The following NBAS variants were observed in gnomAD, a reference collection of about 807,000 sequenced individuals.
The protein encoded by NBAS is NAG/BC035112 fusion.
NBAS carries 219 observed loss-of-function variants against 302.5 expected under a neutral mutation model. The ratio of observed to expected loss-of-function variants is 0.72; its 90% confidence interval spans 0.65 to 0.81. The LOEUF (loss-of-function observed/expected upper bound fraction) is 0.81. Ranked by LOEUF, NBAS falls within the 30% of genes least tolerant of loss-of-function variation. NBAS has a pLI of 0.00. For synonymous variants in NBAS, 1,118 were observed against 1,021.6 expected (o/e 1.09, Z -1.80); for missense variants, 2,932 against 2,841.6 (o/e 1.03, Z -0.72).
intron 25 of NBAS, among the ~76,000 whole-genome samples, chr2:15,407,841 C>A (rs1475356925): frequency 6.6e-6 from 1 of 152,162 alleles, no homozygotes; most frequent in African/African-American, 2.4e-5. Flanking sequence ...CCAAAATGGA[C>A]CTGACTGAGC....
chr2:15,478,024 C>A (rs1006671440), intron 13 of NBAS, among the ~76,000 whole-genome samples: 1 of 31,228 alleles, frequency 3.2e-5, no homozygotes, highest in Non-Finnish European at 8.7e-5. Flanking sequence ...TCAATGCTGG[C>A]TCCTGGCAGG....
At chr2:14,826,851 T>C in the NBAS span, among the ~76,000 whole-genome samples, 37 of 152,320 alleles carry the variant, frequency 2.4e-4, no homozygotes, top group African/African-American at 8.7e-4. Context: ...GTCCAGCCCC[T>C]GCCTCTGACT....
At chr2:15,306,002 A>G (rs546328611) in intron 40 of NBAS, among the ~76,000 whole-genome samples, 21 of 152,352 alleles carry the variant, frequency 1.4e-4, no homozygotes, top group African/African-American at 5.0e-4. Context: ...ACAATAAGGT[A>G]CTATGCATTT....
At chr2:14,885,556 A>G in the NBAS span, among the ~76,000 whole-genome samples, 1 of 152,168 alleles carries the variant, frequency 6.6e-6, no homozygotes. Flanking sequence ...ATATGTGAGG[A>G]GTAGAGATAC....
the NBAS span, among the ~76,000 whole-genome samples, chr2:14,975,898 T>C: frequency 1.6e-4 from 24 of 152,180 alleles, no homozygotes; most frequent in South Asian, 4.8e-3. Flanking sequence ...CACCTCAACA[T>C]ATGTGTGGTT....
chr2:14,808,869 A>G, the NBAS span, among the ~76,000 whole-genome samples: 3 of 152,180 alleles, frequency 2.0e-5, no homozygotes, highest in East Asian at 5.8e-4. Context: ...GGACAATGAA[A>G]TCCAGGCTGA....
chr2:15,304,663 AG>A (rs1251124137), intron 40 of NBAS, among the ~76,000 whole-genome samples: 1 of 152,216 alleles, frequency 6.6e-6, no homozygotes, highest in Non-Finnish European at 1.5e-5. Flanking sequence ...GACGGAGATG[AG>A]GAACTTGTTG....
chr2:15,321,681 A>G (rs950286812), intron 38 of NBAS, among the ~76,000 whole-genome samples: 1 of 152,166 alleles, frequency 6.6e-6, no homozygotes, highest in Non-Finnish European at 1.5e-5. Flanking sequence ...GCAAATCAAA[A>G]CCACAATGAG....
intron 28 of NBAS, among the ~76,000 whole-genome samples, chr2:15,389,137 C>T (rs6731400): frequency 6.6e-6 from 1 of 152,132 alleles, no homozygotes; most frequent in Non-Finnish European, 1.5e-5. Context: ...AGTTAACACT[C>T]GTCAGACAGG....
intron 40 of NBAS, among the ~76,000 whole-genome samples, chr2:15,294,422 T>A (rs900466340): frequency 6.6e-6 from 1 of 152,178 alleles, no homozygotes; most frequent in African/African-American, 2.4e-5. Flanking sequence ...CAGCTGCATA[T>A]AAACAGTATT....
the NBAS span, among the ~76,000 whole-genome samples, chr2:15,119,497 C>G: frequency 5.7e-4 from 86 of 152,002 alleles, no homozygotes; most frequent in African/African-American, 2.0e-3. Flanking sequence ...CCTGCCACCA[C>G]GCCCAGCTAA....
At chr2:15,499,170 C>T (rs1158832989) in intron 11 of NBAS, among the ~76,000 whole-genome samples, 1 of 152,200 alleles carries the variant, frequency 6.6e-6, no homozygotes, top group Non-Finnish European at 1.5e-5. Context: ...CTCAAGTGAT[C>T]TGCCTGCCTC....
chr2:14,818,144 C>G, the NBAS span, among the ~76,000 whole-genome samples: 1 of 152,148 alleles, frequency 6.6e-6, no homozygotes, highest in Non-Finnish European at 1.5e-5. Flanking sequence ...AAATCTCACT[C>G]ACCTCTGTCC....
At chr2:15,467,219 T>G (rs954399163) in intron 19 of NBAS, 110 bp downstream of exon 19, 78 of 820,288 alleles carry the variant, frequency 9.5e-5, no homozygotes, top group Non-Finnish European at 1.5e-4. Flanking sequence ...AATTAATTTT[T>G]CCCAGAAAAA....
chr2:15,042,969 C>T, the NBAS span, among the ~76,000 whole-genome samples: 125,105 of 152,168 alleles, frequency 0.82, 51,781 homozygotes, highest in East Asian at 0.99. Context: ...CCATACACAA[C>T]AACATTAACA....
At chr2:14,836,874 G>C in the NBAS span, among the ~76,000 whole-genome samples, 6 of 151,620 alleles carry the variant, frequency 4.0e-5, no homozygotes, top group Non-Finnish European at 8.9e-5. Context: ...AAATTTTCTA[G>C]AGGTCTTACA....
At chr2:15,407,868 G>A (rs1003954300) in intron 25 of NBAS, among the ~76,000 whole-genome samples, 2 of 152,172 alleles carry the variant, frequency 1.3e-5, no homozygotes, top group African/African-American at 4.8e-5. Context: ...TCAGTTGTCA[G>A]CAAATAAATG....
At chr2:15,034,191 GAAAC>G in the NBAS span, among the ~76,000 whole-genome samples, 6 of 68,144 alleles carry the variant, frequency 8.8e-5, no homozygotes, top group Non-Finnish European at 1.6e-4. Context: ...GAAAGAAAGA[GAAAC>G]AAAGAGAAGG....
At chr2:15,021,262 C>A in the NBAS span, among the ~76,000 whole-genome samples, 1 of 151,254 alleles carries the variant, frequency 6.6e-6, no homozygotes, top group Non-Finnish European at 1.5e-5. Context: ...GTTGACCATA[C>A]GGAGATAAGT....
Sources: gnomAD v4.1 joint callset for allele counts (sites outside exome capture counted in the v4.1 genomes callset) on GRCh38, gnomAD v4.1.1 for gene constraint, MANE v1.5 for transcripts, NCBI Gene and HGNC (gene_info 2026-07-23, HGNC 2026-07-21) for gene names.